The following DNAH10 variants were observed in gnomAD, a reference collection of about 807,000 sequenced individuals.
DNAH10 encodes the protein axonemal beta dynein heavy chain 10.
A neutral mutation model predicts 506.6 loss-of-function variants in DNAH10; 348 were observed. The ratio of observed to expected loss-of-function variants is 0.69; its 90% CI spans 0.63 to 0.75. The LOEUF (loss-of-function observed/expected upper bound fraction) is 0.75. Ranked by LOEUF, DNAH10 falls within the 30% of genes least tolerant of loss-of-function variation. DNAH10 has a pLI of 0.00. For synonymous variants in DNAH10, 2,059 were observed against 2,198.6 expected (o/e 0.94, Z 1.78); for missense variants, 5,179 against 5,787.1 (o/e 0.89, Z 3.41).
In DNAH10 at chr12:123,927,983, G is replaced by A. The variant is rs568590410; in HGVS notation, c.12106-404G>A. ...ACATTTGGGAGGGGACATGGTGATT[G>A]TTTTCCAGGCCTAGGGCCCTGAAGA... is the stretch of plus-strand genomic sequence containing the variant. On this transcript the variant is annotated intron_variant, in intron 69 of 78. Coordinates refer to ENST00000673944, the MANE Select transcript of DNAH10 (RefSeq NM_001372106.1). 1.2e-4 allele frequency: 27 copies of A among 222,284 alleles called. 1 individual carries two copies. The South Asian group carries it at 1.8e-3, about 15-fold the overall frequency. The allele number at this position is 222,284 out of a possible 1,614,324, so 13.8% of individuals were successfully genotyped here.
chr12:123,833,330 A>C lies in DNAH10; in HGVS notation c.4762A>C (p.Ile1588Leu), dbSNP rs928906311. Residue 1588 changes from isoleucine to leucine, a missense_variant, in exon 27 of 79, where the codon ATA becomes CTA. By Grantham distance (5) the Ile-to-Leu change is conservative. Around this residue, in one of 3 missense-constraint regions of DNAH10, gnomAD observed 4,844 missense variants for 5,430.5 expected, o/e 0.89. Coordinates refer to ENST00000673944, the MANE Select transcript of DNAH10 (RefSeq NM_001372106.1). ...CAAATGGGAAAAAACGCTTTCTCTA[A>C]TAGGGGAAGTCATTGAGGTGAGAGA... ...VHKWEKTLSL[I>L]GEVIEIWMLV... 1.2e-6 allele frequency: 2 copies of C among 1,611,874 alleles called. No homozygotes were observed. Among genetic ancestry groups the C allele is most frequent in the Admixed American group, 3.3e-5 (2 of 59,754 alleles).
intron 5 of DNAH10, among the ~76,000 whole-genome samples, chr12:123,774,740 C>T (rs576197263): frequency 2.5e-4 from 38 of 152,366 alleles, no homozygotes; most frequent in African/African-American, 8.7e-4. Flanking sequence ...CCACCCTGGG[C>T]GGGCCAGGTG....
At position 123,801,238 on chromosome 12, in the gene DNAH10, A is replaced by G. The variant is rs777332970; in HGVS notation, c.2463-43A>G. The G allele has an allele frequency of 3.1e-6, 5 of 1,590,902 alleles. No homozygotes were observed. In the African/African-American group the frequency reaches 6.7e-5, roughly 21 times the overall value. ...GACCGCAAAAGCTTTTGATGAGCTT[A>G]AAGGTGCTCTCCTCAGGTTTATGAC... On this transcript the variant is annotated intron_variant, in intron 15 of 78. Transcript: ENST00000673944.
chr12:123,823,353 A>T (rs1959624419), intron 24 of DNAH10, among the ~76,000 whole-genome samples: 1 of 152,196 alleles, frequency 6.6e-6, no homozygotes, highest in African/African-American at 2.4e-5. Flanking sequence ...CTCCGGAGGC[A>T]GCCGGGGGAT....
chr12:123,924,136 G>A (rs763929750), intron 66 of DNAH10, 142 bp from the exon 67 acceptor site: 4 of 1,191,296 alleles, frequency 3.4e-6, no homozygotes, highest in East Asian at 5.2e-5. Context: ...TGGCGGTGAC[G>A]AGGGCAAGCC....
At chr12:123,772,009 A>G (rs1056482446) in intron 3 of DNAH10, among the ~76,000 whole-genome samples, 11 of 152,200 alleles carry the variant, frequency 7.2e-5, no homozygotes, top group South Asian at 2.1e-4. Flanking sequence ...TTCCCTCCCA[A>G]TGGAGTTTCA....
At chr12:123,845,536 G>T in intron 30 of DNAH10, 64 bp from the exon 31 acceptor site, 1 of 1,578,938 alleles carries the variant, frequency 6.3e-7, no homozygotes, top group East Asian at 2.2e-5. Context: ...ATTCCTGAAG[G>T]GACTGTTTTG....
chr12:123,928,496 G>A lies in DNAH10; in HGVS notation c.12215G>A (p.Arg4072Lys), dbSNP rs750912714. ...WLKDLEKSLE[R>K]ITKPHPDFRL... The stretch of plus-strand genomic sequence containing the variant: ...AAAGATCTGGAGAAGTCCCTGGAGA[G>A]GATCACCAAGCCCCACCCAGACTTC... Residue 4072 changes from arginine (R) to lysine (K), a missense_variant, in exon 70 of 79, where the codon AGG becomes AAG. This residue lies in a region of DNAH10 where 4,844 missense variants were observed against 5,430.5 expected (regional missense o/e 0.89). Transcript: ENST00000673944. The surrounding 1 kb of genome is among the most constrained non-coding windows in gnomAD (Gnocchi z 4.9). 42 of 1,611,358 alleles carry A rather than the reference G, an allele frequency of 2.6e-5. No homozygotes were observed. In the Admixed American group the frequency reaches 6.9e-4, roughly 26 times the overall value.
At chr12:123,816,933 C>T (rs896929816) in intron 21 of DNAH10, among the ~76,000 whole-genome samples, 1 of 152,168 alleles carries the variant, frequency 6.6e-6, no homozygotes, top group Non-Finnish European at 1.5e-5. Flanking sequence ...TGCTCCGTCT[C>T]CTTACAAATA....
At position 123,875,086 on chromosome 12, in the gene DNAH10, CT is replaced by C. The variant is rs1566028992; in HGVS notation, c.7939-142del. On this transcript the variant is annotated intron_variant, in intron 46 of 78. Transcript: ENST00000673944. The stretch of plus-strand genomic sequence containing the variant: ...ACAAATGGATATATACAGTTGCAAC[CT>C]TTGAGAAGCCCCATGAAACTGAAAC... 3.3e-6 allele frequency: 3 copies of C among 899,086 alleles called. No homozygotes were observed. In the African/African-American group the frequency reaches 5.1e-5, roughly 15 times the overall value. The allele number at this position is 899,086 out of a possible 1,614,324, so 55.7% of individuals were successfully genotyped here.
Position 123,928,697 on chromosome 12 carries a change from C to T in DNAH10, c.12306+110C>T, listed in dbSNP as rs979951738. The T allele has an allele frequency of 1.6e-6, 2 of 1,275,542 alleles. No homozygotes were observed. The highest frequency in any genetic ancestry group is 3.0e-5 in the African/African-American group (2 of 66,774). The allele number at this position is 1,275,542 out of a possible 1,614,324, so 79.0% of individuals were successfully genotyped here. On this transcript the variant is annotated intron_variant, in intron 70 of 78. Transcript: ENST00000673944. The surrounding 1 kb of genome is among the most constrained non-coding windows in gnomAD (Gnocchi z 4.9). ...TGTCTGTGTAGAAATAAACCTTAGG[C>T]TGCAGGTGAAACCTTGCGGTTGAAA...
In DNAH10 at chr12:123,913,877, T is replaced by G. The variant is rs1179470861; in HGVS notation, c.10353-452T>G. Among the ~76,000 whole-genome samples, 3 of 152,236 alleles carry G rather than the reference T, an allele frequency of 2.0e-5. No homozygotes were observed. The highest frequency in any genetic ancestry group is 4.4e-5 in the Non-Finnish European group (3 of 68,038). The stretch of plus-strand genomic sequence containing the variant: ...TGTTGTTTGCGTGTGGGAAACAATT[T>G]TCAGTATTTCTTAAACCTAAGTCTT... On this transcript the variant is annotated intron_variant, in intron 60 of 78. Transcript: ENST00000673944. The surrounding 1 kb of genome is among the most constrained non-coding windows in gnomAD (Gnocchi z 5.1).
rs1954526211 is a variant in DNAH10 at position 123,917,324 on chromosome 12, A to T, written c.11003-260A>T. Among the ~76,000 whole-genome samples, 1 of 152,024 alleles carries T rather than the reference A, an allele frequency of 6.6e-6. No individual in the cohort carries two copies. The highest frequency in any genetic ancestry group is 1.5e-5 in the Non-Finnish European group (1 of 68,016). On this transcript the variant is annotated intron_variant, in intron 63 of 78. Coordinates refer to ENST00000673944, the MANE Select transcript of DNAH10 (RefSeq NM_001372106.1). This position sits in a 1 kb window ranked among gnomAD's most constrained non-coding sequence, Gnocchi z 5.6. ...GCCCAGTCTGGGTATACTTTAAACT[A>T]TGGCACCCCAGTCCGTGGAAGCCTG...
chr12:123,829,507 G>A (rs1419788671), intron 25 of DNAH10, among the ~76,000 whole-genome samples: 7 of 152,158 alleles, frequency 4.6e-5, no homozygotes, highest in Non-Finnish European at 8.8e-5. Flanking sequence ...AAGTTTCAGC[G>A]TTCAGTGGTG....
At position 123,902,637 on chromosome 12, in the gene DNAH10, C is replaced by T. The variant is rs555758689; in HGVS notation, c.9641-302C>T. Among the ~76,000 whole-genome samples, 62 of 152,228 alleles carry T rather than the reference C, an allele frequency of 4.1e-4. No homozygotes were observed. The highest frequency in any genetic ancestry group is 1.1e-3 in the African/African-American group (44 of 41,540). On this transcript the variant is annotated intron_variant, in intron 56 of 78. Coordinates refer to ENST00000673944, the MANE Select transcript of DNAH10 (RefSeq NM_001372106.1). The surrounding 1 kb of genome is among the most constrained non-coding windows in gnomAD (Gnocchi z 4.5). ...GGACCCCAGCATCCTCACTGAACAC[C>T]GGCGAGGCAGGGCTGGGGGCTATCA... is the stretch of plus-strand genomic sequence containing the variant.
chr12:123,796,330 G>A (rs547859538), intron 12 of DNAH10, among the ~76,000 whole-genome samples: 203 of 151,944 alleles, frequency 1.3e-3, no homozygotes, highest in Non-Finnish European at 1.8e-3. Flanking sequence ...AGTGGTGGGC[G>A]CCTGTAATCC....
rs150738991 is a variant in DNAH10, at chr12:123,808,909, A to G, written c.3100A>G (p.Lys1034Glu). The G allele has an allele frequency of 1.2e-5, 19 of 1,614,080 alleles. No individual in the cohort carries two copies. In the African/African-American group the frequency reaches 2.1e-4, roughly 18 times the overall value. Residue 1034 changes from lysine to glutamate, a missense_variant, in exon 19 of 79, where the codon AAG becomes GAG. Physicochemically the swap from Lys to Glu is moderately conservative, Grantham distance 56. This residue lies in a region of DNAH10 where 4,844 missense variants were observed against 5,430.5 expected (regional missense o/e 0.89). Coordinates refer to ENST00000673944, the MANE Select transcript of DNAH10 (RefSeq NM_001372106.1). ...ILHPNTNEIDKMCFHCVRNCV... is the reference protein window; with the variant it reads ...ILHPNTNEIDEMCFHCVRNCV... ...TCATCCCAACACAAATGAGATCGAC[A>G]AGATGTGCTTCCATTGTGTCCGGAA...
rs1954630386 is a variant in DNAH10 at position 123,919,376 on chromosome 12, C to A, written c.11506+427C>A. Reference sequence around the variant, plus strand: ...GAGGTGTGAGCCATCATGCCCAGCTCCGAATGGCATTCTTGAGTCTGGCGA... The same window carrying A: ...GAGGTGTGAGCCATCATGCCCAGCTACGAATGGCATTCTTGAGTCTGGCGA... On this transcript the variant is annotated intron_variant, in intron 65 of 78. Coordinates refer to ENST00000673944, the MANE Select transcript of DNAH10 (RefSeq NM_001372106.1). The surrounding 1 kb of genome is among the most constrained non-coding windows in gnomAD (Gnocchi z 4.9). Among the ~76,000 whole-genome samples, 1 of 152,154 alleles carries A rather than the reference C, an allele frequency of 6.6e-6. No individual in the cohort carries two copies. The highest frequency in any genetic ancestry group is 1.9e-4 in the East Asian group (1 of 5,194).
At chr12:123,898,905 GCA>G in intron 56 of DNAH10, 91 bp downstream of exon 56, 1 of 1,442,334 alleles carries the variant, frequency 6.9e-7, no homozygotes. Context: ...CCCATCCCGA[GCA>G]GGACAGGGCT....
Sources: allele counts gnomAD v4.1 joint callset (sites outside exome capture counted in the v4.1 genomes callset), GRCh38; gene constraint gnomAD v4.1.1; regional missense constraint gnomAD v4.1.1; non-coding constraint Gnocchi (gnomAD v3.1); transcripts MANE v1.5; gene names NCBI Gene and HGNC (gene_info 2026-07-23, HGNC 2026-07-21).